ANGPT1: variants seen among roughly 807,000 people sequenced by gnomAD.
ANGPT1 encodes angiopoietin 1.
A neutral mutation model predicts 62.2 loss-of-function variants in ANGPT1; 17 were observed. The ratio of observed to expected loss-of-function variants is 0.27; its 90% CI spans 0.19 to 0.41. The LOEUF is 0.41. Ranked by LOEUF, ANGPT1 falls within the 10% of genes least tolerant of loss-of-function variation. The pLI is 1.00. For synonymous variants in ANGPT1, 199 were observed against 198.9 expected (o/e 1.00, Z 0.00); for missense variants, 478 against 594.9 (o/e 0.80, Z 2.04).
At chr8:107,378,017 G>A (rs903135190) in intron 1 of ANGPT1, among the ~76,000 whole-genome samples, 4 of 152,140 alleles carry the variant, frequency 2.6e-5, no homozygotes, top group African/African-American at 4.8e-5. Flanking sequence ...AGAGCCAAGC[G>A]AATAGTTGAA....
chr8:107,460,384 T>C (rs1812036462), intron 1 of ANGPT1, among the ~76,000 whole-genome samples: 1 of 152,126 alleles, frequency 6.6e-6, no homozygotes, highest in Non-Finnish European at 1.5e-5. Flanking sequence ...AAAAGGCAAC[T>C]GGCTGCCTAT....
chr8:107,280,625 T>C (rs1251587353), intron 7 of ANGPT1, among the ~76,000 whole-genome samples: 1 of 152,098 alleles, frequency 6.6e-6, no homozygotes, highest in Non-Finnish European at 1.5e-5. Flanking sequence ...GCATGGAGGA[T>C]TTAGGGCAAT....
intron 1 of ANGPT1, among the ~76,000 whole-genome samples, chr8:107,396,475 T>G (rs1816936258): frequency 6.6e-6 from 1 of 150,700 alleles, no homozygotes; most frequent in Non-Finnish European, 1.5e-5. Context: ...CTAAAACCCG[T>G]CCTTTTTAGT....
intron 4 of ANGPT1, among the ~76,000 whole-genome samples, chr8:107,305,076 C>T (rs145317055): frequency 6.6e-6 from 1 of 151,940 alleles, no homozygotes; most frequent in Non-Finnish European, 1.5e-5. Flanking sequence ...TACTGGTATT[C>T]GTTTATTCTA....
At chr8:107,349,164 A>AGATAGATAGATAGATAGATAGATAGATC (rs944017528) in intron 1 of ANGPT1, among the ~76,000 whole-genome samples, 1 of 151,904 alleles carries the variant, frequency 6.6e-6, no homozygotes, top group African/African-American at 2.4e-5. Flanking sequence ...ATAGATAGAT[A>AGATAGATAGATAGATAGATAGATAGATC]GATCTATGTA....
chr8:107,336,825 C>A (rs1451927397), intron 2 of ANGPT1, among the ~76,000 whole-genome samples: 1 of 143,314 alleles, frequency 7.0e-6, no homozygotes, highest in Admixed American at 6.9e-5. Flanking sequence ...CTAGGATATT[C>A]TCCTGTGCTA....
chr8:107,269,887 G>A (rs540101948), intron 7 of ANGPT1, among the ~76,000 whole-genome samples: 1 of 152,002 alleles, frequency 6.6e-6, no homozygotes, highest in East Asian at 1.9e-4. Flanking sequence ...TTTTCAATTA[G>A]CATATCATGG....
Position 107,470,765 on chromosome 8 carries a change from A to T in ANGPT1, c.297+26497T>A, listed in dbSNP as rs1812335445. Among the ~76,000 whole-genome samples, 4 of 152,174 alleles carry T rather than the reference A, an allele frequency of 2.6e-5. No homozygotes were observed. In the South Asian group the frequency reaches 8.3e-4, roughly 31 times the overall value. On this transcript the variant is annotated intron_variant, in intron 1 of 8. Coordinates refer to ENST00000517746, the MANE Select transcript of ANGPT1 (RefSeq NM_001146.5). ...ATGAACAGACACTTCTCAAAAGAAG[A>T]CATTTATCCAGCCAACAAACATATG...
At chr8:107,298,775 T>C (rs903848284) in intron 5 of ANGPT1, among the ~76,000 whole-genome samples, 1 of 151,858 alleles carries the variant, frequency 6.6e-6, no homozygotes, top group Non-Finnish European at 1.5e-5. Context: ...CCCTAGTTTA[T>C]TTTTTCGTCC....
intron 1 of ANGPT1, among the ~76,000 whole-genome samples, chr8:107,438,835 A>G (rs1343908035): frequency 7.2e-5 from 11 of 152,322 alleles, no homozygotes; most frequent in Non-Finnish European, 2.9e-5. Flanking sequence ...AGAGGGCAGG[A>G]TTAATAAATA....
At chr8:107,447,091 A>AC (rs1322258273) in intron 1 of ANGPT1, among the ~76,000 whole-genome samples, 2 of 152,094 alleles carry the variant, frequency 1.3e-5, no homozygotes, top group Non-Finnish European at 2.9e-5. Flanking sequence ...TTGAAATCTG[A>AC]CCACTTCTAT....
At chr8:107,270,648 G>T (rs55959868) in intron 7 of ANGPT1, among the ~76,000 whole-genome samples, 28,115 of 151,820 alleles carry the variant, frequency 0.19, 3,438 homozygotes, top group Middle Eastern at 0.29. Flanking sequence ...TCACATCCTG[G>T]AGATATATTC....
intron 1 of ANGPT1, among the ~76,000 whole-genome samples, chr8:107,453,036 G>C (rs1811819104): frequency 6.6e-6 from 1 of 152,000 alleles, no homozygotes; most frequent in African/African-American, 2.4e-5. Flanking sequence ...AAGGTTAAAT[G>C]CTTAATGAAC....
At position 107,392,107 on chromosome 8, in the gene ANGPT1, C is replaced by T. The variant is rs889427329; in HGVS notation, c.298-45010G>A. Among the ~76,000 whole-genome samples the T allele has an allele frequency of 4.5e-4, 68 of 152,060 alleles. 1 individual carries two copies. The highest frequency in any genetic ancestry group is 1.6e-3 in the African/African-American group (65 of 41,406). ...GCTAACAGCCTGATATCCTGGTATG[C>T]GAAATCCCATAACTTTCTTTATGTT... On this transcript the variant is annotated intron_variant, in intron 1 of 8. Coordinates refer to ENST00000517746, the MANE Select transcript of ANGPT1 (RefSeq NM_001146.5).
intron 7 of ANGPT1, among the ~76,000 whole-genome samples, chr8:107,265,668 T>G (rs1222823171): frequency 6.6e-6 from 1 of 152,162 alleles, no homozygotes; most frequent in Non-Finnish European, 1.5e-5. Context: ...ACCACCTGTA[T>G]GCCTGGGTCT....
intron 7 of ANGPT1, among the ~76,000 whole-genome samples, chr8:107,282,969 A>G (rs1814052252): frequency 6.6e-6 from 1 of 150,468 alleles, no homozygotes; most frequent in Admixed American, 6.7e-5. Context: ...GTCCCGCAAC[A>G]CCCTCCAAGC....
intron 1 of ANGPT1, among the ~76,000 whole-genome samples, chr8:107,376,661 C>A (rs2916082): frequency 7.9e-5 from 12 of 152,014 alleles, no homozygotes; most frequent in East Asian, 3.9e-4. Context: ...AAGGCCTAGC[C>A]AAACTGTGGC....
intron 7 of ANGPT1, among the ~76,000 whole-genome samples, chr8:107,283,644 C>T (rs1339040402): frequency 1.3e-5 from 2 of 152,134 alleles, no homozygotes; most frequent in Non-Finnish European, 2.9e-5. Context: ...GCTATTGTTG[C>T]AATTACTTGA....
intron 1 of ANGPT1, among the ~76,000 whole-genome samples, chr8:107,436,723 C>T (rs1811346451): frequency 6.6e-6 from 1 of 152,160 alleles, no homozygotes; most frequent in South Asian, 2.1e-4. Flanking sequence ...GAGGACAGCC[C>T]CTCAGATTCT....
Sources: gnomAD v4.1 joint callset for allele counts (sites outside exome capture counted in the v4.1 genomes callset) on GRCh38, gnomAD v4.1.1 for gene constraint, MANE v1.5 for transcripts, NCBI Gene and HGNC (gene_info 2026-07-23, HGNC 2026-07-21) for gene names.